The following ABI3BP variants were observed in gnomAD, a reference collection of about 807,000 sequenced individuals.
ABI3BP encodes the protein ABI family member 3 binding protein, also known as target of Nesh-SH3.
ABI3BP carries 216 observed loss-of-function variants against 268.6 expected under a neutral mutation model. That is an observed-to-expected ratio of 0.80 (90% CI 0.72 to 0.90). The LOEUF (loss-of-function observed/expected upper bound fraction) is 0.90, where lower values mean the gene tolerates loss of function less well. Ranked by LOEUF, ABI3BP falls within the 40% of genes least tolerant of loss-of-function variation. ABI3BP has a pLI of 0.00. For synonymous variants in ABI3BP, 730 were observed against 730.0 expected (o/e 1.00, Z 0.00); for missense variants, 2,090 against 2,182.4 (o/e 0.96, Z 0.84).
intron 1 of ABI3BP, among the ~76,000 whole-genome samples, chr3:100,974,603 G>T (rs1040836974): frequency 1.3e-5 from 2 of 152,136 alleles, no homozygotes; most frequent in African/African-American, 4.8e-5. Context: ...TAGGGGAAGG[G>T]ATTGACTACA....
intron 1 of ABI3BP, among the ~76,000 whole-genome samples, chr3:100,991,643 A>G (rs1194006528): frequency 6.6e-6 from 1 of 152,188 alleles, no homozygotes; most frequent in East Asian, 1.9e-4. Context: ...TAAAGAAAAA[A>G]CATAATATTA....
intron 50 of ABI3BP, among the ~76,000 whole-genome samples, chr3:100,805,740 C>T (rs981251351): frequency 3.9e-5 from 6 of 152,006 alleles, no homozygotes. Flanking sequence ...CTCTATATCC[C>T]AGTTCTGCAG....
At chr3:100,834,796 T>C (rs1351410122) in intron 28 of ABI3BP, 23 bp from the exon 29 acceptor site, 3 of 1,530,642 alleles carry the variant, frequency 2.0e-6, no homozygotes, top group South Asian at 1.2e-5. Context: ...AACTGGTTAT[T>C]GTAGTCATAT....
chr3:100,979,041 A>G (rs1234759731), intron 1 of ABI3BP, among the ~76,000 whole-genome samples: 1 of 152,200 alleles, frequency 6.6e-6, no homozygotes, highest in Non-Finnish European at 1.5e-5. Context: ...TCATCTGGGA[A>G]CTTGTGAGAA....
chr3:100,945,767 T>C, intron 1 of ABI3BP: 3 of 326,538 alleles, frequency 9.2e-6, no homozygotes, highest in Non-Finnish European at 1.2e-5. Context: ...TAGCTATGAA[T>C]AGTGCTGCTA....
At chr3:100,854,990 G>A (rs906313405) in intron 14 of ABI3BP, among the ~76,000 whole-genome samples, 3 of 151,748 alleles carry the variant, frequency 2.0e-5, no homozygotes, top group Non-Finnish European at 4.4e-5. Context: ...GAAATGGCAC[G>A]ATCTCAGCTC....
chr3:100,850,506 A>G (rs1396933384), intron 16 of ABI3BP, among the ~76,000 whole-genome samples, 154 bp downstream of exon 16: 2 of 152,242 alleles, frequency 1.3e-5, no homozygotes, highest in African/African-American at 2.4e-5. Flanking sequence ...GTAAAAGATG[A>G]CTGCATTTAA....
At chr3:100,840,766 TA>T in intron 22 of ABI3BP, 53 bp downstream of exon 22, 1 of 1,430,952 alleles carries the variant, frequency 7.0e-7, no homozygotes, top group Non-Finnish European at 9.5e-7. Flanking sequence ...TCAACACAGA[TA>T]CCAGCAGACA....
At position 100,780,598 on chromosome 3, in the gene ABI3BP, T is replaced by C. The variant is rs147465608; in HGVS notation, c.4163-389A>G. The stretch of plus-strand genomic sequence containing the variant: ...AAATTTTTTTCTTCCAATCCCTCTA[T>C]GCCCATTAAAAAAAACCCACACACA... On this transcript the variant is annotated intron_variant, in intron 57 of 67. Transcript: ENST00000471714. Among the ~76,000 whole-genome samples the C allele has an allele frequency of 1.8e-3, 268 of 151,538 alleles. 3 individuals carry two copies. The South Asian group carries it at 0.022, about 13-fold the overall frequency.
intron 14 of ABI3BP, among the ~76,000 whole-genome samples, chr3:100,857,094 C>CT (rs562339125): frequency 2.0e-5 from 3 of 152,086 alleles, no homozygotes; most frequent in Admixed American, 1.3e-4. Flanking sequence ...CATTCTCAAA[C>CT]TTTTTTTTAC....
intron 1 of ABI3BP, chr3:100,945,770 T>C (rs2153732433): frequency 2.2e-5 from 7 of 323,700 alleles, no homozygotes; most frequent in South Asian, 1.8e-4. Context: ...CTATGAATAG[T>C]GCTGCTATAA....
At chr3:100,908,211 A>G (rs2054459636) in intron 2 of ABI3BP, among the ~76,000 whole-genome samples, 2 of 152,168 alleles carry the variant, frequency 1.3e-5, no homozygotes, top group Admixed American at 1.3e-4. Context: ...ATAAATAAGA[A>G]TTCAGTGGAA....
At chr3:100,983,097 G>A (rs1270871647) in intron 1 of ABI3BP, among the ~76,000 whole-genome samples, 1 of 152,174 alleles carries the variant, frequency 6.6e-6, no homozygotes, top group Non-Finnish European at 1.5e-5. Flanking sequence ...TCAGCTAACA[G>A]AATGGAAAAA....
intron 2 of ABI3BP, chr3:100,911,913 T>G (rs2056659704): frequency 7.3e-7 from 1 of 1,361,646 alleles, no homozygotes; most frequent in African/African-American, 1.4e-5. Context: ...CACATTCTTT[T>G]TGACATTGGA....
rs542835451 is a variant in ABI3BP at position 100,935,634 on chromosome 3, T to C, written c.80-9153A>G. Among the ~76,000 whole-genome samples, 3 of 152,312 alleles carry C rather than the reference T, an allele frequency of 2.0e-5. No individual in the cohort carries two copies. In the East Asian group the frequency reaches 5.8e-4, roughly 29 times the overall value. On this transcript the variant is annotated intron_variant, in intron 1 of 67. Coordinates refer to ENST00000471714, the MANE Select transcript of ABI3BP (RefSeq NM_001375547.2). ...AGCACGGAATGTTTTTCCATTTGTT[T>C]GTGTCCTCTCTTACTTCCTTGAGCA...
At chr3:100,921,219 G>C (rs2060119249) in intron 2 of ABI3BP, among the ~76,000 whole-genome samples, 1 of 152,190 alleles carries the variant, frequency 6.6e-6, no homozygotes, top group Admixed American at 6.5e-5. Flanking sequence ...TCTTCAATCA[G>C]AATTTGTCAT....
chr3:100,762,235 C>T (rs1311989666), intron 63 of ABI3BP, among the ~76,000 whole-genome samples: 1 of 152,032 alleles, frequency 6.6e-6, no homozygotes, highest in Non-Finnish European at 1.5e-5. Context: ...TGGAAAGAAA[C>T]CTTGCCTTAA....
intron 6 of ABI3BP, among the ~76,000 whole-genome samples, chr3:100,878,593 G>T (rs1353099916): frequency 6.6e-6 from 1 of 152,132 alleles, no homozygotes; most frequent in Non-Finnish European, 1.5e-5. Context: ...TTTCAGTGGG[G>T]GATAAAAAAT....
chr3:100,965,790 G>A (rs1044749068), intron 1 of ABI3BP, among the ~76,000 whole-genome samples: 3 of 152,024 alleles, frequency 2.0e-5, no homozygotes, highest in African/African-American at 7.2e-5. Context: ...AGATTGTGAC[G>A]TGATTTGCCA....
Sources: allele counts gnomAD v4.1 joint callset (sites outside exome capture counted in the v4.1 genomes callset), GRCh38; gene constraint gnomAD v4.1.1; transcripts MANE v1.5; gene names NCBI Gene and HGNC (gene_info 2026-07-23, HGNC 2026-07-21).